The following FARP1 variants were observed in gnomAD, a reference collection of about 807,000 sequenced individuals.
FARP1 encodes FERM, ARH/RhoGEF and pleckstrin domain protein 1, also known as FERM, ARHGEF and pleckstrin domain-containing protein 1.
A neutral mutation model predicts 128.8 loss-of-function variants in FARP1; 52 were observed. That is an observed-to-expected ratio of 0.40 (90% CI 0.32 to 0.51). The LOEUF (loss-of-function observed/expected upper bound fraction) is 0.51. Ranked by LOEUF, FARP1 falls within the 20% of genes least tolerant of loss-of-function variation. The probability of loss-of-function intolerance (pLI) is 0.45; values close to 1 mark genes in which losing one functional copy is unlikely to be tolerated. For missense variants in FARP1, 1,333 were observed against 1,367.9 expected, an observed-to-expected ratio of 0.97 and a Z score of 0.40; for synonymous variants, 580 against 551.8, an observed-to-expected ratio of 1.05 and a Z score of -0.72.
At chr13:98,238,167 A>G (rs1006083512) in intron 2 of FARP1, among the ~76,000 whole-genome samples, 3 of 152,214 alleles carry the variant, frequency 2.0e-5, no homozygotes, top group Non-Finnish European at 2.9e-5. Context: ...GCAGTAGATG[A>G]GTTCCCAGAT....
chr13:98,194,507 T>A (rs1277424525), intron 1 of FARP1, among the ~76,000 whole-genome samples: 1 of 152,252 alleles, frequency 6.6e-6, no homozygotes, highest in Non-Finnish European at 1.5e-5. Flanking sequence ...GGAAGTTATT[T>A]ATATCTTGTT....
intron 11 of FARP1, among the ~76,000 whole-genome samples, chr13:98,392,402 A>AG (rs1890345892): frequency 1.4e-5 from 2 of 146,394 alleles, no homozygotes. Context: ...TGGGAGGCTG[A>AG]GGTAGGACGA....
chr13:98,277,140 ACACACACACC>A (rs528122636), intron 2 of FARP1, among the ~76,000 whole-genome samples: 4,144 of 150,398 alleles, frequency 0.028, 82 homozygotes, highest in African/African-American at 0.041. Flanking sequence ...ACACACACAC[ACACACACACC>A]CCATATGTAT....
At chr13:98,219,126 C>T (rs1356329222) in intron 2 of FARP1, among the ~76,000 whole-genome samples, 1 of 152,174 alleles carries the variant, frequency 6.6e-6, no homozygotes, top group Non-Finnish European at 1.5e-5. Flanking sequence ...TCTCTGAGAG[C>T]TCTGGTTCAG....
intron 1 of FARP1, among the ~76,000 whole-genome samples, chr13:98,200,225 C>T (rs1329516784): frequency 6.6e-6 from 1 of 152,208 alleles, no homozygotes; most frequent in East Asian, 1.9e-4. Context: ...GAGTGTCCCT[C>T]TTTTCTTGGG....
intron 16 of FARP1, among the ~76,000 whole-genome samples, chr13:98,422,390 G>A (rs1318181176): frequency 2.0e-5 from 3 of 152,184 alleles, no homozygotes; most frequent in South Asian, 4.1e-4. Flanking sequence ...AATTAAAGCA[G>A]CTAAGAGAAC....
At chr13:98,399,745 C>A (rs548699151) in intron 13 of FARP1, 11 of 152,200 alleles carry the variant, frequency 7.2e-5, no homozygotes, top group Non-Finnish European at 1.5e-4. Flanking sequence ...CCTATGTAAA[C>A]ACAAATCTTA....
intron 1 of FARP1, among the ~76,000 whole-genome samples, chr13:98,154,953 T>TAA (rs1876395173): frequency 6.6e-6 from 1 of 152,224 alleles, no homozygotes; most frequent in African/African-American, 2.4e-5. Flanking sequence ...GGCACATACC[T>TAA]GTAGTCTCAG....
chr13:98,194,517 T>A (rs1382884082), intron 1 of FARP1, among the ~76,000 whole-genome samples: 5 of 152,260 alleles, frequency 3.3e-5, no homozygotes, highest in Admixed American at 2.6e-4. Context: ...TATATCTTGT[T>A]CAAAGTCATT....
At chr13:98,200,915 T>C (rs1189798691) in intron 1 of FARP1, among the ~76,000 whole-genome samples, 1 of 152,166 alleles carries the variant, frequency 6.6e-6, no homozygotes, top group African/African-American at 2.4e-5. Flanking sequence ...CTTTTTAAAA[T>C]TGAGATTCAT....
chr13:98,379,988 T>G (rs759391318), intron 6 of FARP1, among the ~76,000 whole-genome samples: 1 of 152,300 alleles, frequency 6.6e-6, no homozygotes, highest in Non-Finnish European at 1.5e-5. Flanking sequence ...ACATGAAACT[T>G]TAAAATGAAG....
intron 2 of FARP1, among the ~76,000 whole-genome samples, chr13:98,300,169 G>A (rs944977947): frequency 3.9e-5 from 6 of 152,228 alleles, no homozygotes; most frequent in African/African-American, 1.2e-4. Flanking sequence ...TATTTATTGA[G>A]GCAAAGAGAA....
intron 6 of FARP1, among the ~76,000 whole-genome samples, chr13:98,379,963 C>G (rs995305545): frequency 6.6e-6 from 1 of 152,200 alleles, no homozygotes; most frequent in African/African-American, 2.4e-5. Context: ...ACCTGCAACC[C>G]TCCTTTTCCA....
At chr13:98,200,335 C>T (rs1879848464) in intron 1 of FARP1, among the ~76,000 whole-genome samples, 1 of 151,318 alleles carries the variant, frequency 6.6e-6, no homozygotes, top group South Asian at 2.1e-4. Flanking sequence ...GGAGCAGGAG[C>T]AGTGCTTCTC....
At chr13:98,356,269 AT>A (rs1888635238) in intron 3 of FARP1, among the ~76,000 whole-genome samples, 1 of 152,226 alleles carries the variant, frequency 6.6e-6, no homozygotes, top group African/African-American at 2.4e-5. Context: ...AGGCAATTTC[AT>A]TGTGCGGACA....
intron 1 of FARP1, among the ~76,000 whole-genome samples, chr13:98,157,984 C>G (rs1876611400): frequency 6.6e-6 from 1 of 152,198 alleles, no homozygotes; most frequent in African/African-American, 2.4e-5. Context: ...TGGGAGGTCA[C>G]TTACCACTTC....
At position 98,288,996 on chromosome 13, in the gene FARP1, C is replaced by T. The variant is rs1276995208; in HGVS notation, c.172-54766C>T. Among the ~76,000 whole-genome samples the T allele has an allele frequency of 7.6e-5, 11 of 144,276 alleles. No individual in the cohort carries two copies. The Admixed American group carries it at 7.7e-4, about 10-fold the overall frequency. The allele number at this position is 144,276 out of a possible 152,430, so 94.7% of individuals were successfully genotyped here. ...TTTTTTTTTTTTTTCTGTGTATGAG[C>T]AATTCGACTCAGTGGGATGATATTT... On this transcript the variant is annotated intron_variant, in intron 2 of 26. Transcript: ENST00000319562.
intron 16 of FARP1, among the ~76,000 whole-genome samples, chr13:98,422,209 G>T (rs761614812): frequency 2.0e-5 from 3 of 152,218 alleles, no homozygotes; most frequent in African/African-American, 7.2e-5. Flanking sequence ...AAAGCTTCCC[G>T]TAGCAGATGA....
At chr13:98,144,606 C>T (rs754556579) in intron 1 of FARP1, among the ~76,000 whole-genome samples, 3 of 152,318 alleles carry the variant, frequency 2.0e-5, no homozygotes, top group Middle Eastern at 3.4e-3. Flanking sequence ...ATCTTCAGAG[C>T]CAAACCCTGG....
Sources: gnomAD v4.1 joint callset for allele counts (sites outside exome capture counted in the v4.1 genomes callset) on GRCh38, gnomAD v4.1.1 for gene constraint, MANE v1.5 for transcripts, NCBI Gene and HGNC (gene_info 2026-07-23, HGNC 2026-07-21) for gene names.